Variants in ITSN1 observed in about 807,000 individuals in gnomAD.
ITSN1 encodes intersectin-1.
Under a neutral mutation model 239.8 loss-of-function variants are expected in ITSN1, and 58 were observed. The observed-to-expected ratio is 0.24, with a 90% CI of 0.20 to 0.30. The LOEUF (loss-of-function observed/expected upper bound fraction) is 0.30. Ranked by LOEUF, ITSN1 falls within the 10% of genes least tolerant of loss-of-function variation. ITSN1 has a pLI of 1.00. For synonymous variants in ITSN1, 780 were observed against 770.8 expected, an observed-to-expected ratio of 1.01 and a Z score of -0.20; for missense variants, 1,558 against 2,103.3, an observed-to-expected ratio of 0.74 and a Z score of 5.07.
At chr21:33,763,630 T>A (rs1335672155) in intron 9 of ITSN1, among the ~76,000 whole-genome samples, 2 of 151,962 alleles carry the variant, frequency 1.3e-5, no homozygotes, top group East Asian at 3.9e-4. Context: ...TTTTTTTTTT[T>A]GTTTTGTTGT....
intron 24 of ITSN1, among the ~76,000 whole-genome samples, chr21:33,822,852 C>G (rs574878857): frequency 6.6e-6 from 1 of 152,172 alleles, no homozygotes; most frequent in African/African-American, 2.4e-5. Context: ...CAACTAGATG[C>G]CCATTTTTAA....
At chr21:33,658,341 C>T (rs1056843503) in intron 1 of ITSN1, among the ~76,000 whole-genome samples, 2 of 152,038 alleles carry the variant, frequency 1.3e-5, no homozygotes, top group African/African-American at 2.4e-5. Context: ...ACAGTTAAAA[C>T]TCATGTTATT....
intron 16 of ITSN1, among the ~76,000 whole-genome samples, chr21:33,793,892 G>A (rs73900365): frequency 7.2e-4 from 109 of 152,298 alleles, no homozygotes; most frequent in African/African-American, 2.4e-3. Flanking sequence ...GAAAGGTGGA[G>A]GTGAGGTTTG....
intron 39 of ITSN1, among the ~76,000 whole-genome samples, chr21:33,886,948 C>T (rs1420973656): frequency 6.6e-6 from 1 of 152,156 alleles, no homozygotes; most frequent in African/African-American, 2.4e-5. Context: ...AGCCAGCCTT[C>T]TGTTTCTGCT....
intron 1 of ITSN1, among the ~76,000 whole-genome samples, chr21:33,715,723 A>G (rs1252880784): frequency 9.9e-5 from 15 of 152,158 alleles, no homozygotes; most frequent in Non-Finnish European, 1.9e-4. Flanking sequence ...CTCCTTCCCT[A>G]AAGTCTGCAA....
At chr21:33,778,567 T>C (rs960696136) in intron 14 of ITSN1, among the ~76,000 whole-genome samples, 1 of 130,342 alleles carries the variant, frequency 7.7e-6, no homozygotes, top group East Asian at 2.2e-4. Flanking sequence ...GTTTATAATA[T>C]TCTCTTTTTT....
intron 26 of ITSN1, chr21:33,829,143 G>A: frequency 2.6e-6 from 1 of 388,408 alleles, no homozygotes; most frequent in Non-Finnish European, 5.0e-6. Context: ...AGTGGTTTCT[G>A]AGGAAAATGG....
rs575654294 is a variant in ITSN1 at position 33,869,475 on chromosome 21, A to G, written c.4173+2144A>G. ...ACAACATGTGGGAATTATGGGAACTACAATTCAAGATGAGATTTGGGTGGA... is the reference window on the plus strand; with the variant it reads ...ACAACATGTGGGAATTATGGGAACTGCAATTCAAGATGAGATTTGGGTGGA... On this transcript the variant is annotated intron_variant, in intron 33 of 39. Transcript: ENST00000381318. Among the ~76,000 whole-genome samples, 61 of 152,388 alleles carry G rather than the reference A, an allele frequency of 4.0e-4. 1 individual carries two copies. Among genetic ancestry groups the G allele is most frequent in the South Asian group, 1.0e-3 (5 of 4,828 alleles).
At position 33,814,043 on chromosome 21, in the gene ITSN1, G is replaced by A. The variant is rs2073102513; in HGVS notation, c.2698G>A (p.Gly900Ser). 1 of 1,614,040 alleles carries A rather than the reference G, an allele frequency of 6.2e-7. No homozygotes were observed. Among genetic ancestry groups the A allele is most frequent in the African/African-American group, 1.3e-5 (1 of 74,920 alleles). The change falls in exon 22 of 40, where the codon GGC becomes AGC. Residue 900 changes from glycine to serine, a missense_variant. Transcript: ENST00000381318. ...RSAFTPATAT[G>S]SSPSPVLGQG... ...CGCCTTTACTCCAGCCACGGCCACTGGCTCCTCCCCGTCTCCTGTGCTAGG... is the reference window on the plus strand; with the variant it reads ...CGCCTTTACTCCAGCCACGGCCACTAGCTCCTCCCCGTCTCCTGTGCTAGG...
chr21:33,865,316 C>A lies in ITSN1; in HGVS notation c.4056C>A (p.Asp1352Glu), dbSNP rs1024356918. 3.8e-6 allele frequency: 6 copies of A among 1,570,426 alleles called. No individual in the cohort carries two copies. The highest frequency in any genetic ancestry group is 3.5e-6 in the Non-Finnish European group (4 of 1,157,528). Reference protein sequence around the residue: ...LIQQKTDEAPDFKEFVKRLAM... With the variant: ...LIQQKTDEAPEFKEFVKRLAM... ...AGCAGAAGACGGATGAGGCCCCAGACTTCAAGGAGTTCGTCAAAGTAAGGA... is the reference window on the plus strand; with the variant it reads ...AGCAGAAGACGGATGAGGCCCCAGAATTCAAGGAGTTCGTCAAAGTAAGGA... The change falls in exon 32 of 40, where the codon GAC (aspartate) becomes GAA (glutamate). Residue 1352 changes from aspartate (D) to glutamate (E), a missense_variant. Physicochemically the swap from Asp to Glu is conservative, Grantham distance 45. Around this residue, in one of 2 missense-constraint regions of ITSN1, gnomAD observed 576 missense variants for 893.3 expected, o/e 0.64. Transcript: ENST00000381318. This position sits in a 1 kb window ranked among gnomAD's most constrained non-coding sequence, Gnocchi z 4.4.
intron 35 of ITSN1, 52 bp from the exon 36 acceptor site, chr21:33,883,498 G>A: frequency 6.2e-7 from 1 of 1,603,380 alleles, no homozygotes; most frequent in Non-Finnish European, 8.5e-7. Flanking sequence ...CGGTTTACCG[G>A]AGCACACAGA....
chr21:33,875,345 C>T lies in ITSN1; in HGVS notation c.4174-9C>T, dbSNP rs752460586. 13 of 1,613,964 alleles carry T rather than the reference C, an allele frequency of 8.1e-6. No individual in the cohort carries two copies. Among genetic ancestry groups the T allele is most frequent in the Middle Eastern group, 1.6e-4 (1 of 6,078 alleles). On this transcript the variant is annotated splice_polypyrimidine_tract_variant and intron_variant, in intron 33 of 39. Coordinates refer to ENST00000381318, the MANE Select transcript of ITSN1 (RefSeq NM_003024.3). ...AAAAGGAGGTGGTTGTTTTTATTCT[C>T]CTGTGTAGATCCTGGAAAACACCCC...
chr21:33,682,159 T>C (rs1247807112), intron 1 of ITSN1, among the ~76,000 whole-genome samples: 1 of 151,938 alleles, frequency 6.6e-6, no homozygotes, highest in African/African-American at 2.4e-5. Context: ...ATTTGGCTAC[T>C]CAGGACAACT....
intron 1 of ITSN1, among the ~76,000 whole-genome samples, chr21:33,681,683 T>C (rs1278091476): frequency 6.6e-6 from 1 of 150,758 alleles, no homozygotes; most frequent in Non-Finnish European, 1.5e-5. Context: ...TGTTTTCGTG[T>C]TTTTTGAGAC....
At chr21:33,847,641 C>G (rs1049013326) in intron 29 of ITSN1, among the ~76,000 whole-genome samples, 1 of 152,004 alleles carries the variant, frequency 6.6e-6, no homozygotes, top group Non-Finnish European at 1.5e-5. Flanking sequence ...TCAGAGGGCC[C>G]GAAGAGTGGA....
chr21:33,751,972 G>T lies in ITSN1; in HGVS notation c.623+66G>T. 3 of 1,031,550 alleles carry T rather than the reference G, an allele frequency of 2.9e-6. No homozygotes were observed. In the South Asian group the frequency reaches 4.0e-5, roughly 14 times the overall value. The allele number at this position is 1,031,550 out of a possible 1,614,324, so 63.9% of individuals were successfully genotyped here. A position where few individuals can be genotyped will look rare whatever the true frequency, so the allele number is the denominator to read the frequency against. ...CATTACCTGATTAAATCATAAATTT[G>T]ACCATGAATCATCTATATTCTTTTT... On this transcript the variant is annotated intron_variant, in intron 7 of 39. Coordinates refer to ENST00000381318, the MANE Select transcript of ITSN1 (RefSeq NM_003024.3).
intron 2 of ITSN1, 81 bp from the exon 3 acceptor site, chr21:33,721,097 G>A: frequency 4.7e-6 from 4 of 851,450 alleles, no homozygotes; most frequent in South Asian, 4.1e-5. Flanking sequence ...GAATCTTGAA[G>A]TGCTGTGGAA....
chr21:33,749,985 T>G (rs2067439529), intron 5 of ITSN1, 158 bp from the exon 6 acceptor site: 1 of 675,990 alleles, frequency 1.5e-6, no homozygotes, highest in African/African-American at 1.8e-5. Flanking sequence ...CTTGACATAA[T>G]TTTTGTTACT....
chr21:33,665,990 A>G (rs929396978), intron 1 of ITSN1, among the ~76,000 whole-genome samples: 3 of 150,658 alleles, frequency 2.0e-5, no homozygotes, highest in Non-Finnish European at 4.4e-5. Context: ...GTGCAGTGGC[A>G]TGATCTCAGC....
Sources: gnomAD v4.1 joint callset for allele counts (sites outside exome capture counted in the v4.1 genomes callset) on GRCh38, gnomAD v4.1.1 for gene constraint, gnomAD v4.1.1 regional missense constraint, Gnocchi (gnomAD v3.1) non-coding constraint, MANE v1.5 for transcripts, NCBI Gene and HGNC (gene_info 2026-07-23, HGNC 2026-07-21) for gene names.